Variants in DIAPH2 observed in about 807,000 individuals in gnomAD.
The protein encoded by DIAPH2 is diaphanous related formin 2.
DIAPH2 carries 35 observed loss-of-function variants against 92.7 expected under a neutral mutation model. The ratio of observed to expected loss-of-function variants is 0.38; its 90% CI spans 0.29 to 0.50. DIAPH2 has a LOEUF of 0.50. DIAPH2 is among the 20% of genes least tolerant of loss of function. DIAPH2 has a pLI of 0.94. For missense variants in DIAPH2, 701 were observed against 819.5 expected (o/e 0.86, Z 1.77); for synonymous variants, 301 against 280.4 (o/e 1.07, Z -0.73).
intron 9 of DIAPH2, among the ~76,000 whole-genome samples, chrX:96,921,376 G>C (rs765199629): frequency 2.2e-4 from 24 of 110,869 alleles, no homozygotes; most frequent in Middle Eastern, 4.6e-3. Flanking sequence ...AGCATTCTCC[G>C]GTCTCTTTTG....
intron 26 of DIAPH2, among the ~76,000 whole-genome samples, chrX:97,596,655 A>G (rs2071553737): frequency 8.9e-6 from 1 of 111,758 alleles, no homozygotes; most frequent in South Asian, 3.8e-4. Context: ...ATTAATGTAT[A>G]TCACCTCTGG....
intron 22 of DIAPH2, among the ~76,000 whole-genome samples, chrX:97,196,219 TACAC>T (rs59276561): frequency 0.014 from 1,508 of 104,839 alleles, 22 homozygotes; most frequent in African/African-American, 0.041. Flanking sequence ...CACACATACA[TACAC>T]ACACACACAC....
At chrX:96,982,836 A>T (rs2066006182) in intron 17 of DIAPH2, among the ~76,000 whole-genome samples, 1 of 112,060 alleles carries the variant, frequency 8.9e-6, no homozygotes, top group Admixed American at 9.5e-5. Context: ...ATAGACATTC[A>T]TTTTTAACAT....
intron 20 of DIAPH2, among the ~76,000 whole-genome samples, chrX:97,109,787 A>T (rs1458431716): frequency 9.0e-6 from 1 of 111,680 alleles, no homozygotes; most frequent in Non-Finnish European, 1.9e-5. Context: ...TATTTATATG[A>T]ATGAAGCCAT....
chrX:97,342,092 A>G (rs5920908), intron 23 of DIAPH2, among the ~76,000 whole-genome samples: 2,643 of 112,492 alleles, frequency 0.023, 28 homozygotes, highest in Middle Eastern at 0.041. Flanking sequence ...TAAAATAAAT[A>G]TGATTGAAGC....
chrX:96,746,880 T>C (rs1016210930), intron 3 of DIAPH2, among the ~76,000 whole-genome samples: 5 of 112,002 alleles, frequency 4.5e-5, no homozygotes, highest in South Asian at 3.7e-4. Flanking sequence ...AAGCGGTTCA[T>C]ATTCGTAACT....
chrX:96,950,902 A>C (rs2065770608), intron 15 of DIAPH2, among the ~76,000 whole-genome samples: 1 of 111,536 alleles, frequency 9.0e-6, no homozygotes, highest in African/African-American at 3.3e-5. Context: ...TCACATTTGG[A>C]AATTACTGTC....
Position 97,599,448 on chromosome X carries a change from G to T in DIAPH2, c.*131G>T, listed in dbSNP as rs956027114. On this transcript the variant is annotated 3_prime_UTR_variant, in exon 27 of 27. Coordinates refer to ENST00000324765, the MANE Select transcript of DIAPH2 (RefSeq NM_006729.5). ...CTGCAAAGATCAAGATAAGCTGGATGAAGTAGTGTGCATTTGTAATACTAT... is the reference window on the plus strand; with the variant it reads ...CTGCAAAGATCAAGATAAGCTGGATTAAGTAGTGTGCATTTGTAATACTAT... The T allele has an allele frequency of 5.2e-6, 2 of 382,173 alleles. No individual in the cohort carries two copies. Among genetic ancestry groups the T allele is most frequent in the Non-Finnish European group, 9.4e-6 (2 of 213,101 alleles). The allele number at this position is 382,173 out of a possible 1,213,427, so 31.5% of individuals were successfully genotyped here. A position where few individuals can be genotyped will look rare whatever the true frequency, so the allele number is the denominator to read the frequency against.
chrX:97,432,754 T>C (rs1291051968), intron 26 of DIAPH2, among the ~76,000 whole-genome samples: 1 of 111,571 alleles, frequency 9.0e-6, no homozygotes, highest in Non-Finnish European at 1.9e-5. Context: ...CCCAAAGTGC[T>C]GGGATTACAG....
chrX:97,060,239 C>T (rs1024176929), intron 17 of DIAPH2, among the ~76,000 whole-genome samples: 4 of 112,190 alleles, frequency 3.6e-5, no homozygotes, highest in Non-Finnish European at 5.6e-5. Flanking sequence ...AAGTAAAGGC[C>T]AGCCTAATGG....
At chrX:97,240,224 G>A (rs1389157420) in intron 22 of DIAPH2, among the ~76,000 whole-genome samples, 3 of 111,417 alleles carry the variant, frequency 2.7e-5, no homozygotes, top group African/African-American at 6.5e-5. Context: ...GTTAGTTAGT[G>A]TAATTGTCAC....
intron 22 of DIAPH2, among the ~76,000 whole-genome samples, chrX:97,183,674 G>A (rs2067557928): frequency 8.9e-6 from 1 of 112,175 alleles, no homozygotes; most frequent in Non-Finnish European, 1.9e-5. Flanking sequence ...TGATCAGCAT[G>A]AGACAGATTT....
intron 26 of DIAPH2, among the ~76,000 whole-genome samples, chrX:97,456,864 C>T (rs192401447): frequency 2.7e-5 from 3 of 111,336 alleles, no homozygotes; most frequent in African/African-American, 9.8e-5. Context: ...CATCTGTGAA[C>T]GTTTCTGTAA....
chrX:96,687,685 T>A (rs192936628), intron 1 of DIAPH2, among the ~76,000 whole-genome samples: 10 of 111,574 alleles, frequency 9.0e-5, no homozygotes, highest in Non-Finnish European at 1.9e-4. Flanking sequence ...GAGGAACTGC[T>A]TTCATTTATA....
At chrX:97,403,042 G>A (rs1277046689) in intron 25 of DIAPH2, among the ~76,000 whole-genome samples, 4 of 111,991 alleles carry the variant, frequency 3.6e-5, no homozygotes, top group African/African-American at 6.5e-5. Flanking sequence ...GATGGCAGCA[G>A]CAGAGCAGTA....
At chrX:97,396,198 GCT>G (rs1487033328) in intron 25 of DIAPH2, among the ~76,000 whole-genome samples, 2 of 111,767 alleles carry the variant, frequency 1.8e-5, no homozygotes, top group Non-Finnish European at 3.8e-5. Context: ...AATTAATTTT[GCT>G]CTGTTCTCAG....
intron 26 of DIAPH2, among the ~76,000 whole-genome samples, chrX:97,596,679 T>TAACA (rs1229039020): frequency 8.9e-5 from 10 of 111,922 alleles, no homozygotes; most frequent in African/African-American, 2.3e-4. Context: ...CAATCATATC[T>TAACA]AACATTTGTC....
chrX:97,059,399 G>C (rs2066581183), intron 17 of DIAPH2, among the ~76,000 whole-genome samples: 1 of 111,230 alleles, frequency 9.0e-6, no homozygotes, highest in South Asian at 3.8e-4. Flanking sequence ...CTGCCTTTTT[G>C]AGTGTCTTAT....
Position 97,587,433 on chromosome X carries a change from T to C in DIAPH2, c.3242-11820T>C, listed in dbSNP as rs1479490091. 2.7e-5 allele frequency among the ~76,000 whole-genome samples: 3 copies of C among 111,951 alleles called. No individual in the cohort carries two copies. In the Admixed American group the frequency reaches 2.8e-4, roughly 11 times the overall value. On this transcript the variant is annotated intron_variant, in intron 26 of 26. Coordinates refer to ENST00000324765, the MANE Select transcript of DIAPH2 (RefSeq NM_006729.5). ...AGTAATAGAAAGCAGTCTGGCAACA[T>C]TTCTATACCCACTGGATGACAATAA...
Sources: allele counts gnomAD v4.1 joint callset (sites outside exome capture counted in the v4.1 genomes callset), GRCh38; gene constraint gnomAD v4.1.1; transcripts MANE v1.5; gene names NCBI Gene and HGNC (gene_info 2026-07-23, HGNC 2026-07-21).